Variants in ZNF283 observed in about 807,000 individuals in gnomAD.
The protein encoded by ZNF283 is zinc finger protein 41.
ZNF283 carries 10 observed loss-of-function variants against 9.2 expected under a neutral mutation model. The observed-to-expected ratio is 1.09, with a 90% CI of 0.67 to 1.85. The LOEUF is 1.85. Ranked by LOEUF, ZNF283 falls within the 40% of genes most tolerant of loss-of-function variation. The probability of loss-of-function intolerance (pLI) is 0.00; values close to 1 mark genes in which losing one functional copy is unlikely to be tolerated. For missense variants in ZNF283, 631 were observed against 760.1 expected (o/e 0.83, Z 2.00); for synonymous variants, 234 against 244.1 (o/e 0.96, Z 0.38).
Position 43,851,155 on chromosome 19 carries a change from T to A in ZNF283, c.*2514T>A, listed in dbSNP as rs1199838772. 6.6e-6 allele frequency: 1 copy of A among 152,158 alleles called. No homozygotes were observed. Among genetic ancestry groups the A allele is most frequent in the East Asian group, 1.9e-4 (1 of 5,186 alleles). The allele number at this position is 152,158 out of a possible 1,614,324, so 9.4% of individuals were successfully genotyped here. ...CACAAAGCAGAGTACTTTGGGAGTT[T>A]TAACAGGATATATTATTGGTAACTG... On this transcript the variant is annotated 3_prime_UTR_variant, in exon 7 of 7. Transcript: ENST00000618787.
intron 2 of ZNF283, among the ~76,000 whole-genome samples, chr19:43,829,673 T>C (rs1489956397): frequency 1.3e-5 from 2 of 152,190 alleles, no homozygotes; most frequent in Admixed American, 1.3e-4. Flanking sequence ...ATAAACTTTT[T>C]ATAGATTAGA....
chr19:43,837,843 T>C (rs1352495687), intron 6 of ZNF283: 1 of 152,116 alleles, frequency 6.6e-6, no homozygotes, highest in East Asian at 1.9e-4. Context: ...GCAAAGACCC[T>C]GTTGTTGGAA....
rs1225300110 is a variant in ZNF283, at chr19:43,851,091, T to G, written c.*2450T>G. 6.6e-6 allele frequency: 1 copy of G among 152,166 alleles called. No homozygotes were observed. The highest frequency in any genetic ancestry group is 1.5e-5 in the Non-Finnish European group (1 of 68,028). The allele number at this position is 152,166 out of a possible 1,614,324, so 9.4% of individuals were successfully genotyped here. ...ACATGATTGCACTTTTTCAAAGGCA[T>G]AAAAAGCCAACAGTTGCACTCTTAA... On this transcript the variant is annotated 3_prime_UTR_variant, in exon 7 of 7. Transcript: ENST00000618787.
intron 2 of ZNF283, among the ~76,000 whole-genome samples, chr19:43,829,251 G>C (rs1334937479): frequency 6.6e-6 from 1 of 152,160 alleles, no homozygotes; most frequent in Non-Finnish European, 1.5e-5. Context: ...TGGGCGTAGT[G>C]GTAGGCGCCT....
chr19:43,829,168 G>A (rs934757012), intron 2 of ZNF283, among the ~76,000 whole-genome samples: 2 of 152,090 alleles, frequency 1.3e-5, no homozygotes, highest in African/African-American at 4.8e-5. Flanking sequence ...GGTGGATCAT[G>A]AAGTCAGGAG....
chr19:43,844,816 G>A (rs1971346291), intron 6 of ZNF283, among the ~76,000 whole-genome samples: 1 of 152,046 alleles, frequency 6.6e-6, no homozygotes, highest in Non-Finnish European at 1.5e-5. Context: ...AGTTGTTAAG[G>A]CTCAATGGCT....
In ZNF283 at chr19:43,848,193, T is replaced by A; in HGVS notation, c.1592T>A (p.Val531Asp). Residue 531 changes from valine (V) to aspartate (D), a missense_variant, in exon 7 of 7, where the codon GTT becomes GAT. By Grantham distance (152) the Val-to-Asp change is radical (BLOSUM62 -3). Around this residue, in one of 3 missense-constraint regions of ZNF283, gnomAD observed 444 missense variants for 522.5 expected, o/e 0.85. Transcript: ENST00000618787. ...GCTTTTAATTGTGGATCAAGCCTTG[T>A]TCAACATGAAAGAATCCATACAGGG... ...GKAFNCGSSL[V>D]QHERIHTGEK... is the part of the protein sequence containing the mutation. 1.9e-6 allele frequency: 3 copies of A among 1,613,436 alleles called. No homozygotes were observed. The highest frequency in any genetic ancestry group is 2.5e-6 in the Non-Finnish European group (3 of 1,179,784).
intron 6 of ZNF283, chr19:43,840,733 T>G (rs1971170511): frequency 6.6e-6 from 1 of 152,508 alleles, no homozygotes. Flanking sequence ...TCACCCAGGC[T>G]GGAGTGCAGT....
intron 6 of ZNF283, chr19:43,840,736 A>C (rs1250583756): frequency 6.6e-6 from 1 of 151,638 alleles, no homozygotes; most frequent in Non-Finnish European, 1.5e-5. Context: ...CCCAGGCTGG[A>C]GTGCAGTGGT....
chr19:43,829,640 T>C (rs1170455673), intron 2 of ZNF283, among the ~76,000 whole-genome samples: 1 of 152,196 alleles, frequency 6.6e-6, no homozygotes, highest in African/African-American at 2.4e-5. Flanking sequence ...TTGCTATTAT[T>C]GGGCTCTTCT....
In ZNF283 at chr19:43,848,335, G is replaced by T. The variant is rs1971503109; in HGVS notation, c.1734G>T (p.Lys578Asn). Reference sequence around the variant, plus strand: ...CTTTCAAATGTAAGGAATGTGGGAAGGCCTTCAGTTGGGGTTCAAGCCTAG... The same window carrying T: ...CTTTCAAATGTAAGGAATGTGGGAATGCCTTCAGTTGGGGTTCAAGCCTAG... Reference protein sequence around the residue: ...EKPFKCKECGKAFSWGSSLVK... With the variant: ...EKPFKCKECGNAFSWGSSLVK... The change falls in exon 7 of 7, where the codon AAG becomes AAT. Residue 578 changes from lysine to asparagine, a missense_variant. By Grantham distance (94) the Lys-to-Asn change is moderately conservative (BLOSUM62 0). Around this residue, in one of 3 missense-constraint regions of ZNF283, gnomAD observed 444 missense variants for 522.5 expected, o/e 0.85. Transcript: ENST00000618787. The T allele has an allele frequency of 6.2e-7, 1 of 1,614,042 alleles. No homozygotes were observed. Among genetic ancestry groups the T allele is most frequent in the Admixed American group, 1.7e-5 (1 of 59,998 alleles).
At chr19:43,837,897 T>A (rs955300497) in intron 6 of ZNF283, 1 of 152,178 alleles carries the variant, frequency 6.6e-6, no homozygotes, top group East Asian at 1.9e-4. Flanking sequence ...TAAAGGAACA[T>A]GTACTAAGAA....
chr19:43,847,755 G>A lies in ZNF283; in HGVS notation c.1154G>A (p.Cys385Tyr). 1 of 1,613,504 alleles carries A rather than the reference G, an allele frequency of 6.2e-7. No homozygotes were observed. Among genetic ancestry groups the A allele is most frequent in the Non-Finnish European group, 8.5e-7 (1 of 1,179,806 alleles). The change falls in exon 7 of 7, where the codon TGT (cysteine) becomes TAT (tyrosine). Residue 385 changes from cysteine (C) to tyrosine (Y), a missense_variant. This residue lies in a region of ZNF283 where 444 missense variants were observed against 522.5 expected (regional missense o/e 0.85). Transcript: ENST00000618787. ...TGTAAAATATGTGGAAAGGCTTTTT[G>A]TTGGGGCTATCAACTTACTCGACAT... is the stretch of plus-strand genomic sequence containing the variant. ...YECKICGKAF[C>Y]WGYQLTRHQI...
Position 43,847,381 on chromosome 19 carries a change from G to A in ZNF283, c.780G>A (p.Glu260=). The change falls in exon 7 of 7, where the codon GAG becomes GAA. Residue 260 remains glutamate (E), a synonymous_variant. Coordinates refer to ENST00000618787, the MANE Select transcript of ZNF283 (RefSeq NM_181845.2). ...TGCATCAGAGATTTCATACTGGTGA[G>A]AAACCCTATGAGTGTAAGGAATGTG... ...LNVHQRFHTG[E]KPYECKECGK... The A allele has an allele frequency of 6.2e-7, 1 of 1,614,064 alleles. No individual in the cohort carries two copies. Among genetic ancestry groups the A allele is most frequent in the Non-Finnish European group, 8.5e-7 (1 of 1,179,948 alleles).
chr19:43,840,808 C>T (rs1156562461), intron 6 of ZNF283: 11 of 152,084 alleles, frequency 7.2e-5, no homozygotes, highest in Admixed American at 7.2e-4. Context: ...GCCTCAGCCT[C>T]CTGAGTAGCT....
At position 43,848,471 on chromosome 19, in the gene ZNF283, G is replaced by A. The variant is rs1423777874; in HGVS notation, c.1870G>A (p.Glu624Lys). The change falls in exon 7 of 7, where the codon GAG becomes AAG. Residue 624 changes from glutamate to lysine, a missense_variant. Coordinates refer to ENST00000618787, the MANE Select transcript of ZNF283 (RefSeq NM_181845.2). Reference protein sequence around the residue: ...LSVHQRFHTGEKLYQRKEFGK... With the variant: ...LSVHQRFHTGKKLYQRKEFGK... Reference sequence around the variant, plus strand: ...TGTTCATCAGAGATTTCATACTGGTGAGAAGCTTTATCAACGTAAGGAATT... The same window carrying A: ...TGTTCATCAGAGATTTCATACTGGTAAGAAGCTTTATCAACGTAAGGAATT... The A allele has an allele frequency of 6.2e-7, 1 of 1,613,706 alleles. No individual in the cohort carries two copies. Among genetic ancestry groups the A allele is most frequent in the Admixed American group, 1.7e-5 (1 of 60,006 alleles).
Position 43,827,349 on chromosome 19 carries a change from T to G in ZNF283, c.-240T>G, listed in dbSNP as rs1364524487. 6.6e-6 allele frequency: 1 copy of G among 152,532 alleles called. No homozygotes were observed. Among genetic ancestry groups the G allele is most frequent in the Non-Finnish European group, 1.5e-5 (1 of 68,342 alleles). 9.4% of individuals were successfully genotyped at this position (152,532 alleles called of 1,614,324 possible). ...AGCTCCTCTCCCAGCCTGCGAGCATTTCCAGGCTCTTGTTTCCCATCAGCC... is the reference window on the plus strand; with the variant it reads ...AGCTCCTCTCCCAGCCTGCGAGCATGTCCAGGCTCTTGTTTCCCATCAGCC... On this transcript the variant is annotated 5_prime_UTR_variant, in exon 1 of 7. It adds an upstream start codon to the 5' untranslated region. Coordinates refer to ENST00000618787, the MANE Select transcript of ZNF283 (RefSeq NM_181845.2).
chr19:43,836,917 C>A, intron 5 of ZNF283, 136 bp from the exon 6 acceptor site: 2 of 913,672 alleles, frequency 2.2e-6, no homozygotes, highest in Non-Finnish European at 3.3e-6. Flanking sequence ...CTTTTTCCTA[C>A]CTATATCAGA....
At position 43,848,205 on chromosome 19, in the gene ZNF283, G is replaced by T. The variant is rs778375658; in HGVS notation, c.1604G>T (p.Arg535Ile). Reference protein sequence around the residue: ...NCGSSLVQHERIHTGEKPYEC... With the variant: ...NCGSSLVQHEIIHTGEKPYEC... ...GGATCAAGCCTTGTTCAACATGAAA[G>T]AATCCATACAGGGGAGAAACCCTAT... Residue 535 changes from arginine to isoleucine, a missense_variant, in exon 7 of 7, where the codon AGA becomes ATA. Arg to Ile is a moderately conservative substitution (Grantham distance 97, BLOSUM62 -3). Coordinates refer to ENST00000618787, the MANE Select transcript of ZNF283 (RefSeq NM_181845.2). 10 of 1,613,460 alleles carry T rather than the reference G, an allele frequency of 6.2e-6. No individual in the cohort carries two copies. In the South Asian group the frequency reaches 6.6e-5, roughly 11 times the overall value.
Sources: allele counts gnomAD v4.1 joint callset (sites outside exome capture counted in the v4.1 genomes callset), GRCh38; gene constraint gnomAD v4.1.1; regional missense constraint gnomAD v4.1.1; transcripts MANE v1.5; gene names NCBI Gene and HGNC (gene_info 2026-07-23, HGNC 2026-07-21).